Variants in GREB1L observed in about 807,000 individuals in gnomAD.
GREB1L encodes the protein GREB1 like retinoic acid receptor coactivator, also known as GREB1-like protein.
Under a neutral mutation model 200.8 loss-of-function variants are expected in GREB1L, and 17 were observed. The ratio of observed to expected loss-of-function variants is 0.08; its 90% CI spans 0.06 to 0.13. GREB1L has a LOEUF of 0.13. Among genes scored for constraint, GREB1L ranks in the 10% least tolerant of loss-of-function variants. The pLI, the probability that GREB1L is intolerant of heterozygous loss-of-function variation, is 1.00. For missense variants in GREB1L, 1,657 were observed against 2,367.7 expected, an observed-to-expected ratio of 0.70 and a Z score of 6.23; for synonymous variants, 789 against 893.0, an observed-to-expected ratio of 0.88 and a Z score of 2.08.
intron 16 of GREB1L, among the ~76,000 whole-genome samples, chr18:21,474,037 G>T (rs1477344971): frequency 6.6e-6 from 1 of 152,060 alleles, no homozygotes; most frequent in South Asian, 2.1e-4. Context: ...CCCACAACAC[G>T]TGGGAATTAT....
At chr18:21,398,704 A>G (rs2041188219) in intron 5 of GREB1L, among the ~76,000 whole-genome samples, 1 of 152,212 alleles carries the variant, frequency 6.6e-6, no homozygotes, top group East Asian at 1.9e-4. Context: ...ACCCCTGTGG[A>G]TTCAAATATC....
intron 6 of GREB1L, among the ~76,000 whole-genome samples, chr18:21,403,439 A>G (rs980547320): frequency 2.0e-5 from 3 of 152,180 alleles, no homozygotes; most frequent in Admixed American, 2.0e-4. Context: ...TAAGGTTGAG[A>G]AGAGAATAGG....
At chr18:21,282,442 C>T (rs1403047861) in intron 1 of GREB1L, among the ~76,000 whole-genome samples, 1 of 152,138 alleles carries the variant, frequency 6.6e-6, no homozygotes, top group Non-Finnish European at 1.5e-5. Flanking sequence ...TACCTCTTTT[C>T]ATTCTTGTTT....
chr18:21,515,889 C>A (rs2037399590), intron 29 of GREB1L, among the ~76,000 whole-genome samples: 1 of 152,208 alleles, frequency 6.6e-6, no homozygotes, highest in Non-Finnish European at 1.5e-5. Context: ...CATTATTCAA[C>A]AAGAACTCAA....
chr18:21,436,669 G>GGTGTGTGTGTGTGTGTGTGT (rs71178172), intron 7 of GREB1L, among the ~76,000 whole-genome samples: 6 of 132,534 alleles, frequency 4.5e-5, no homozygotes, highest in African/African-American at 8.6e-5. Context: ...AAAGTTCAGT[G>GGTGTGTGTGTGTGTGTGTGT]GTGTGTGTGT....
At position 21,523,663 on chromosome 18, in the gene GREB1L, T is replaced by C. The variant is rs977137522; in HGVS notation, c.*842T>C. The stretch of plus-strand genomic sequence containing the variant: ...CAGGTAACCTGCACCCACCGTTTGG[T>C]TGGAATTAAGCAGTTGGCACCAGCA... On this transcript the variant is annotated 3_prime_UTR_variant, in exon 33 of 33. Coordinates refer to ENST00000424526, the MANE Select transcript of GREB1L (RefSeq NM_001142966.3). 1.3e-4 allele frequency: 20 copies of C among 152,242 alleles called. No homozygotes were observed. The highest frequency in any genetic ancestry group is 4.3e-4 in the African/African-American group (18 of 41,462). 9.4% of individuals were successfully genotyped at this position (152,242 alleles called of 1,614,324 possible).
At chr18:21,329,492 G>A (rs1254551566) in intron 1 of GREB1L, among the ~76,000 whole-genome samples, 1 of 151,780 alleles carries the variant, frequency 6.6e-6, no homozygotes, top group East Asian at 1.9e-4. Flanking sequence ...GGATAATTGT[G>A]GGCAAAAAGA....
rs373997737 is a variant in GREB1L, at chr18:21,473,033, G to A, written c.2185G>A (p.Val729Ile). The A allele has an allele frequency of 7.2e-5, 110 of 1,529,964 alleles. No homozygotes were observed. Among genetic ancestry groups the A allele is most frequent in the Non-Finnish European group, 9.0e-5 (102 of 1,135,256 alleles). 94.8% of individuals were successfully genotyped at this position (1,529,964 alleles called of 1,614,324 possible). The change falls in exon 16 of 33, where the codon GTC (valine) becomes ATC (isoleucine). Residue 729 changes from valine (V) to isoleucine (I), a missense_variant and splice_region_variant. Coordinates refer to ENST00000424526, the MANE Select transcript of GREB1L (RefSeq NM_001142966.3). ...QTLQRIRQSG[V>I]LVDLGLEENG... is the part of the protein sequence containing the mutation. ...ATGAACTTTTTTCTTCTTGGCAGGTGTCCTTGTAGACTTGGGTCTGGAGGA... is the reference window on the plus strand; with the variant it reads ...ATGAACTTTTTTCTTCTTGGCAGGTATCCTTGTAGACTTGGGTCTGGAGGA...
chr18:21,314,240 T>C (rs2144831779), intron 1 of GREB1L, among the ~76,000 whole-genome samples: 1 of 152,306 alleles, frequency 6.6e-6, no homozygotes, highest in Non-Finnish European at 1.5e-5. Context: ...ACAGTTTCTT[T>C]ATAATGCTTG....
Position 21,477,182 on chromosome 18 carries a change from G to A in GREB1L, c.2382G>A (p.Leu794=), listed in dbSNP as rs909908893. The A allele has an allele frequency of 4.5e-6, 7 of 1,551,202 alleles. No individual in the cohort carries two copies. In the African/African-American group the frequency reaches 8.2e-5, roughly 18 times the overall value. ...VELTSVISGS[L]SHSEPSHGLA... is the part of the protein sequence containing the mutation. ...TCTACAGTGTCATTTCAGGCTCTTT[G>A]TCACATAGCGAACCCAGTCATGGGC... Residue 794 remains leucine, a synonymous_variant, in exon 17 of 33, where the codon TTG becomes TTA. Transcript: ENST00000424526.
chr18:21,515,771 A>C, intron 29 of GREB1L, 127 bp downstream of exon 29: 1 of 709,446 alleles, frequency 1.4e-6, no homozygotes, highest in Non-Finnish European at 2.3e-6. Flanking sequence ...GTGGGCAAGG[A>C]GAAAGGGGGA....
At position 21,518,204 on chromosome 18, in the gene GREB1L, C is replaced by T. The variant is rs2037490037; in HGVS notation, c.5442C>T (p.Ala1814=). 2.6e-6 allele frequency: 4 copies of T among 1,551,650 alleles called. No individual in the cohort carries two copies. The highest frequency in any genetic ancestry group is 3.5e-6 in the Non-Finnish European group (4 of 1,146,984). Residue 1814 remains alanine (A), a synonymous_variant, in exon 31 of 33, where the codon GCC becomes GCT. Transcript: ENST00000424526. ...AIHNFRSPVL[A]IDCYLNIGPE... ...ATAACTTCAGGAGTCCTGTGCTGGC[C>T]ATTGACTGCTACCTTAACATTGGAC...
At chr18:21,287,105 A>G (rs1374348802) in intron 1 of GREB1L, among the ~76,000 whole-genome samples, 1 of 152,228 alleles carries the variant, frequency 6.6e-6, no homozygotes, top group African/African-American at 2.4e-5. Flanking sequence ...ATGCCTTTTA[A>G]AATGAGCTAA....
At chr18:21,411,802 T>G (rs1381176827) in intron 7 of GREB1L, among the ~76,000 whole-genome samples, 1 of 151,498 alleles carries the variant, frequency 6.6e-6, no homozygotes, top group African/African-American at 2.4e-5. Context: ...TCCCAGCACT[T>G]TGGGAGGCCG....
Position 21,490,445 on chromosome 18 carries a change from G to T in GREB1L, c.3030+94G>T, listed in dbSNP as rs1438431139. On this transcript the variant is annotated intron_variant, in intron 19 of 32. Transcript: ENST00000424526. ...GTGGCTCAGGGGCCTGAGTTTAATA[G>T]AATCACATGTGTGATTCCATGACAA... 4 of 973,140 alleles carry T rather than the reference G, an allele frequency of 4.1e-6. No homozygotes were observed. The Admixed American group carries it at 7.7e-5, about 19-fold the overall frequency. The allele number at this position is 973,140 out of a possible 1,614,324, so 60.3% of individuals were successfully genotyped here.
At chr18:21,299,296 AAT>A (rs955631335) in intron 1 of GREB1L, among the ~76,000 whole-genome samples, 1 of 151,800 alleles carries the variant, frequency 6.6e-6, no homozygotes, top group African/African-American at 2.4e-5. Flanking sequence ...AAAAAAAAAA[AAT>A]CTTCAAAAAT....
intron 17 of GREB1L, 25 bp downstream of exon 17, chr18:21,477,381 T>C: frequency 6.6e-7 from 1 of 1,509,080 alleles, no homozygotes. Flanking sequence ...TGCTGTCTGA[T>C]ACACTGTCAT....
intron 1 of GREB1L, among the ~76,000 whole-genome samples, chr18:21,313,733 C>G (rs921473586): frequency 1.1e-4 from 16 of 152,192 alleles, no homozygotes; most frequent in African/African-American, 3.4e-4. Context: ...ACTTTCTCCT[C>G]CCATTTGTCT....
At chr18:21,357,215 T>C (rs1449494714) in intron 1 of GREB1L, among the ~76,000 whole-genome samples, 2 of 152,116 alleles carry the variant, frequency 1.3e-5, no homozygotes, top group East Asian at 1.9e-4. Context: ...CCACGACGTC[T>C]GGTTATTTTT....
Sources: gnomAD v4.1 joint callset for allele counts (sites outside exome capture counted in the v4.1 genomes callset) on GRCh38, gnomAD v4.1.1 for gene constraint, MANE v1.5 for transcripts, NCBI Gene and HGNC (gene_info 2026-07-23, HGNC 2026-07-21) for gene names.